ZNF462: variants seen among roughly 807,000 people sequenced by gnomAD.
ZNF462 encodes the protein zinc finger PBX1-interacting protein.
A neutral mutation model predicts 201.9 loss-of-function variants in ZNF462; 10 were observed. The ratio of observed to expected loss-of-function variants is 0.05; its 90% CI spans 0.03 to 0.08. The LOEUF (loss-of-function observed/expected upper bound fraction) is 0.08, where lower values mean the gene tolerates loss of function less well. Among genes scored for constraint, ZNF462 ranks in the 10% least tolerant of loss-of-function variants. The pLI is 1.00. For missense variants in ZNF462, 2,523 were observed against 3,168.3 expected (o/e 0.80, Z 4.89); for synonymous variants, 1,227 against 1,193.3 (o/e 1.03, Z -0.58).
At position 106,928,239 on chromosome 9, in the gene ZNF462, G is replaced by C. The variant is rs1400477228; in HGVS notation, c.4327G>C (p.Glu1443Gln). 1.2e-6 allele frequency: 2 copies of C among 1,613,854 alleles called. No homozygotes were observed. Among genetic ancestry groups the C allele is most frequent in the Non-Finnish European group, 1.7e-6 (2 of 1,180,010 alleles). Residue 1443 changes from glutamate (E) to glutamine (Q), a missense_variant, in exon 3 of 13, where the codon GAA becomes CAA. Glu to Gln is a conservative substitution (Grantham distance 29, BLOSUM62 2). Transcript: ENST00000277225. This position sits in a 1 kb window ranked among gnomAD's most constrained non-coding sequence, Gnocchi z 9.3. Reference protein sequence around the residue: ...IPTPFPEQEAECPEDARLSPE... With the variant: ...IPTPFPEQEAQCPEDARLSPE... ...CACCCCTTTCCCGGAGCAGGAAGCT[G>C]AATGTCCAGAGGATGCAAGACTGTC...
Position 106,965,229 on chromosome 9 carries a change from A to G in ZNF462, c.6428-6776A>G, listed in dbSNP as rs1832018727. On this transcript the variant is annotated intron_variant, in intron 7 of 12. Coordinates refer to ENST00000277225, the MANE Select transcript of ZNF462 (RefSeq NM_021224.6). Reference sequence around the variant, plus strand: ...TGGCGTTGATTAAGGATCCCCAAGGATGCAATACGTAGAATTTGCAAGAAA... The same window carrying G: ...TGGCGTTGATTAAGGATCCCCAAGGGTGCAATACGTAGAATTTGCAAGAAA... Among the ~76,000 whole-genome samples, 3 of 152,210 alleles carry G rather than the reference A, an allele frequency of 2.0e-5. No homozygotes were observed. In the South Asian group the frequency reaches 6.2e-4, roughly 32 times the overall value.
intron 7 of ZNF462, among the ~76,000 whole-genome samples, chr9:106,943,894 C>T (rs1176096981): frequency 1.3e-5 from 2 of 152,132 alleles, no homozygotes. Context: ...GATCAAAAGA[C>T]AATCTGAAGA....
Position 106,870,491 on chromosome 9 carries a change from G to T in ZNF462, c.-31+7136G>T, listed in dbSNP as rs1358420674. ...TTTAGGGTGAAAGGAAGTTTGACAG[G>T]TACTTATTTGTTCAAAAAATAAATA... is the stretch of plus-strand genomic sequence containing the variant. On this transcript the variant is annotated intron_variant, in intron 1 of 12. Transcript: ENST00000277225. This position sits in a 1 kb window ranked among gnomAD's most constrained non-coding sequence, Gnocchi z 4.3. Among the ~76,000 whole-genome samples the T allele has an allele frequency of 6.6e-6, 1 of 152,102 alleles. No homozygotes were observed. The highest frequency in any genetic ancestry group is 2.4e-5 in the African/African-American group (1 of 41,418).
At chr9:106,861,050 C>G (rs1010308255), upstream of ZNF462, among the ~76,000 whole-genome samples, 2 of 152,062 alleles carry the variant, frequency 1.3e-5, no homozygotes, top group Non-Finnish European at 2.9e-5. Context: ...CTCTCCCTCC[C>G]CCTCCTTTCT....
In ZNF462 at chr9:106,962,026, TGAA is replaced by T. The variant is rs1273911966; in HGVS notation, c.6428-9977_6428-9975del. Among the ~76,000 whole-genome samples the T allele has an allele frequency of 2.6e-5, 4 of 151,892 alleles. No individual in the cohort carries two copies. Among genetic ancestry groups the T allele is most frequent in the African/African-American group, 7.3e-5 (3 of 41,354 alleles). ...GGGAGTGAGGATCGGCCTGGAAAGA[TGAA>T]GGAGAGTGTGAGCCCCATGGTTCAG... On this transcript the variant is annotated intron_variant, in intron 7 of 12. Transcript: ENST00000277225. This position sits in a 1 kb window ranked among gnomAD's most constrained non-coding sequence, Gnocchi z 4.6.
At chr9:106,940,222 C>T (rs187546665) in intron 7 of ZNF462, among the ~76,000 whole-genome samples, 2 of 152,152 alleles carry the variant, frequency 1.3e-5, no homozygotes, top group Admixed American at 6.5e-5. Context: ...AAAAGATACG[C>T]ACCTGTAAAA....
intron 1 of ZNF462, among the ~76,000 whole-genome samples, chr9:106,871,422 C>T (rs1196762145): frequency 6.6e-6 from 1 of 152,100 alleles, no homozygotes; most frequent in African/African-American, 2.4e-5. Context: ...GAAGGAGTGA[C>T]TGGTTGGATG....
chr9:106,864,103 T>TCTCC (rs1827210160), intron 1 of ZNF462, among the ~76,000 whole-genome samples: 2 of 110,034 alleles, frequency 1.8e-5, no homozygotes, highest in East Asian at 5.1e-4. Flanking sequence ...TCTCTCTCTC[T>TCTCC]CTCTCTCCCT....
In ZNF462 at chr9:107,003,161, G is replaced by A; in HGVS notation, c.7057-133G>A. ...TCAAAACGAAGAAAAAGACCTCTTA[G>A]GCCCCGGAGTTGTTTGGTCCTGGTT... is the stretch of plus-strand genomic sequence containing the variant. On this transcript the variant is annotated intron_variant, in intron 10 of 12. Coordinates refer to ENST00000277225, the MANE Select transcript of ZNF462 (RefSeq NM_021224.6). This position sits in a 1 kb window ranked among gnomAD's most constrained non-coding sequence, Gnocchi z 4.4. 8.6e-7 allele frequency: 1 copy of A among 1,166,496 alleles called. No homozygotes were observed. The allele number at this position is 1,166,496 out of a possible 1,614,324, so 72.3% of individuals were successfully genotyped here.
At chr9:106,904,164 AGT>A (rs34041250) in intron 1 of ZNF462, among the ~76,000 whole-genome samples, 24,971 of 152,030 alleles carry the variant, frequency 0.16, 2,214 homozygotes, top group South Asian at 0.27. Flanking sequence ...TCTGAAAACA[AGT>A]GTATCTTTCC....
chr9:106,995,936 G>A (rs1450776446), intron 10 of ZNF462, among the ~76,000 whole-genome samples: 2 of 152,104 alleles, frequency 1.3e-5, no homozygotes, highest in Non-Finnish European at 2.9e-5. Flanking sequence ...ATTTACATTA[G>A]GTATATCTCC....
At chr9:106,937,198 C>G (rs958188281) in intron 6 of ZNF462, among the ~76,000 whole-genome samples, 1 of 152,050 alleles carries the variant, frequency 6.6e-6, no homozygotes, top group African/African-American at 2.4e-5. Flanking sequence ...ATTCACACAA[C>G]CAAGCTTGCA....
At chr9:106,987,153 G>T (rs931181113) in intron 10 of ZNF462, among the ~76,000 whole-genome samples, 1 of 152,112 alleles carries the variant, frequency 6.6e-6, no homozygotes, top group African/African-American at 2.4e-5. Context: ...TTTTCGAATA[G>T]TGACTTTTCC....
At chr9:106,875,584 A>G (rs1309744942) in intron 1 of ZNF462, among the ~76,000 whole-genome samples, 4 of 152,194 alleles carry the variant, frequency 2.6e-5, no homozygotes, top group African/African-American at 9.6e-5. Flanking sequence ...TTTCCTCCAA[A>G]TTATGAAATT....
chr9:106,867,321 A>G (rs1827379363), intron 1 of ZNF462, among the ~76,000 whole-genome samples: 1 of 152,208 alleles, frequency 6.6e-6, no homozygotes, highest in South Asian at 2.1e-4. Flanking sequence ...CTCAAAGATC[A>G]TTTTTGTTTA....
rs183730165 is a variant in ZNF462, at chr9:107,005,975, T to A, written c.7189+2549T>A. ...CATTATGTGTTCTTGGCACCTTTGT[T>A]GAAAACCGATGGACTGTGAATGTGT... is the stretch of plus-strand genomic sequence containing the variant. On this transcript the variant is annotated intron_variant, in intron 11 of 12. Transcript: ENST00000277225. The surrounding 1 kb of genome is among the most constrained non-coding windows in gnomAD (Gnocchi z 4.4). Among the ~76,000 whole-genome samples, 682 of 152,328 alleles carry A rather than the reference T, an allele frequency of 4.5e-3. 6 individuals are homozygous for A. The highest frequency in any genetic ancestry group is 0.016 in the African/African-American group (654 of 41,570).
intron 1 of ZNF462, among the ~76,000 whole-genome samples, chr9:106,904,388 A>G (rs931732265): frequency 1.3e-5 from 2 of 152,280 alleles, no homozygotes; most frequent in South Asian, 2.1e-4. Flanking sequence ...AACTTTGGAT[A>G]ACTTGATGAC....
At chr9:106,979,839 A>G (rs1252240296) in intron 9 of ZNF462, among the ~76,000 whole-genome samples, 1 of 152,198 alleles carries the variant, frequency 6.6e-6, no homozygotes, top group Non-Finnish European at 1.5e-5. Flanking sequence ...GTTTTGCCAC[A>G]TATTTACATT....
In ZNF462 at chr9:107,006,896, A is replaced by G. The variant is rs961780339; in HGVS notation, c.7190-2649A>G. 3.3e-5 allele frequency among the ~76,000 whole-genome samples: 5 copies of G among 152,218 alleles called. No individual in the cohort carries two copies. Among genetic ancestry groups the G allele is most frequent in the Non-Finnish European group, 4.4e-5 (3 of 68,032 alleles). On this transcript the variant is annotated intron_variant, in intron 11 of 12. Coordinates refer to ENST00000277225, the MANE Select transcript of ZNF462 (RefSeq NM_021224.6). This position sits in a 1 kb window ranked among gnomAD's most constrained non-coding sequence, Gnocchi z 4.3. Reference sequence around the variant, plus strand: ...ATAAAGTTATTATTTTTATTAGTAGAGGCTGTATTAATCCATTTCTTACAA... The same window carrying G: ...ATAAAGTTATTATTTTTATTAGTAGGGGCTGTATTAATCCATTTCTTACAA...
Sources: allele counts gnomAD v4.1 joint callset (sites outside exome capture counted in the v4.1 genomes callset), GRCh38; gene constraint gnomAD v4.1.1; non-coding constraint Gnocchi (gnomAD v3.1); transcripts MANE v1.5; gene names NCBI Gene and HGNC (gene_info 2026-07-23, HGNC 2026-07-21).